Variants in DCC observed in about 807,000 individuals in gnomAD.
DCC encodes the protein DCC netrin 1 receptor.
In DCC, 58 loss-of-function variants were observed where a neutral mutation model predicts 172.5. The observed-to-expected ratio is 0.34, with a 90% CI of 0.27 to 0.42. DCC has a LOEUF of 0.42. Ranked by LOEUF, DCC falls within the 10% of genes least tolerant of loss-of-function variation. DCC has a pLI of 1.00. For synonymous variants in DCC, 709 were observed against 644.5 expected (o/e 1.10, Z -1.52); for missense variants, 1,740 against 1,791.0 (o/e 0.97, Z 0.51).
At chr18:53,345,191 T>C (rs1240315999) in intron 15 of DCC, among the ~76,000 whole-genome samples, 1 of 151,862 alleles carries the variant, frequency 6.6e-6, no homozygotes, top group Non-Finnish European at 1.5e-5. Context: ...TTTTAGCAAC[T>C]ATTTAAATAT....
At position 53,377,352 on chromosome 18, in the gene DCC, TGAGAGA is replaced by T. The variant is rs59629030; in HGVS notation, c.2360-8659_2360-8654del. Among the ~76,000 whole-genome samples the T allele has an allele frequency of 3.9e-3, 540 of 137,362 alleles. 9 individuals carry two copies. Among genetic ancestry groups the T allele is most frequent in the South Asian group, 0.035 (132 of 3,806 alleles). The allele number at this position is 137,362 out of a possible 152,430, so 90.1% of individuals were successfully genotyped here. ...GCAGAAGGACAAGAAAAGATGCATT[TGAGAGA>T]GAGAGAGAGAGAGAGAGAGAGAGAG... On this transcript the variant is annotated intron_variant, in intron 15 of 28. Coordinates refer to ENST00000442544, the MANE Select transcript of DCC (RefSeq NM_005215.4).
chr18:53,125,054 T>C (rs1241476428), intron 7 of DCC, among the ~76,000 whole-genome samples: 3 of 152,050 alleles, frequency 2.0e-5, no homozygotes, highest in African/African-American at 7.2e-5. Context: ...TTAACTACTT[T>C]TAATATATCT....
At chr18:52,572,674 TC>T (rs1323683791) in intron 1 of DCC, among the ~76,000 whole-genome samples, 1 of 152,116 alleles carries the variant, frequency 6.6e-6, no homozygotes, top group African/African-American at 2.4e-5. Flanking sequence ...CACCTCCCAT[TC>T]TTGACGTGGG....
chr18:53,138,198 A>G (rs1399200118), intron 7 of DCC, among the ~76,000 whole-genome samples: 1 of 152,024 alleles, frequency 6.6e-6, no homozygotes, highest in African/African-American at 2.4e-5. Flanking sequence ...GACCCTACCT[A>G]TTGTGTCGTC....
At chr18:52,431,641 T>C (rs1194597701) in intron 1 of DCC, among the ~76,000 whole-genome samples, 1 of 152,190 alleles carries the variant, frequency 6.6e-6, no homozygotes, top group Non-Finnish European at 1.5e-5. Context: ...CAATGCCAGA[T>C]GAAATGCTCA....
intron 5 of DCC, among the ~76,000 whole-genome samples, chr18:53,005,754 TTTAC>T (rs2041634989): frequency 6.6e-6 from 1 of 152,166 alleles, no homozygotes; most frequent in Non-Finnish European, 1.5e-5. Flanking sequence ...AGAAAGAATC[TTTAC>T]TTAATGTGTG....
chr18:52,740,851 A>G (rs2036811063), intron 1 of DCC, among the ~76,000 whole-genome samples: 1 of 152,140 alleles, frequency 6.6e-6, no homozygotes. Context: ...ATTATAGCAA[A>G]TCTCTTAGTA....
chr18:52,752,867 C>G (rs2037018942), intron 2 of DCC, among the ~76,000 whole-genome samples: 2 of 151,988 alleles, frequency 1.3e-5, no homozygotes, highest in African/African-American at 2.4e-5. Flanking sequence ...TCTTTCAGTG[C>G]CTGGCATGTT....
intron 21 of DCC, among the ~76,000 whole-genome samples, chr18:53,420,501 G>T (rs959764411): frequency 6.6e-6 from 1 of 152,120 alleles, no homozygotes; most frequent in Admixed American, 6.5e-5. Flanking sequence ...ACAACAGAAA[G>T]TTATATTCTC....
At chr18:52,946,451 T>C (rs1014632418) in intron 5 of DCC, among the ~76,000 whole-genome samples, 2 of 152,014 alleles carry the variant, frequency 1.3e-5, no homozygotes, top group African/African-American at 4.8e-5. Flanking sequence ...ACCTAAAACT[T>C]AGCAACTTAA....
At chr18:52,797,390 G>A (rs933670392) in intron 2 of DCC, among the ~76,000 whole-genome samples, 1 of 152,118 alleles carries the variant, frequency 6.6e-6, no homozygotes, top group Non-Finnish European at 1.5e-5. Flanking sequence ...CCAATTTTAT[G>A]GATAGGCCTT....
intron 1 of DCC, among the ~76,000 whole-genome samples, chr18:52,421,939 AC>A (rs754348647): frequency 6.6e-6 from 1 of 152,028 alleles, no homozygotes; most frequent in Non-Finnish European, 1.5e-5. Flanking sequence ...ACCCCATGAG[AC>A]CCTATCATTT....
intron 12 of DCC, among the ~76,000 whole-genome samples, chr18:53,238,172 C>G (rs1200085558): frequency 6.6e-6 from 1 of 152,122 alleles, no homozygotes; most frequent in African/African-American, 2.4e-5. Context: ...TTATGACACA[C>G]AGAAATGCAT....
intron 26 of DCC, among the ~76,000 whole-genome samples, chr18:53,495,934 G>GA (rs1025331855): frequency 5.3e-5 from 8 of 151,778 alleles, no homozygotes; most frequent in South Asian, 4.2e-4. Context: ...GGGCATCTCT[G>GA]AAAAAAAAGC....
At chr18:53,055,684 C>T (rs1341835088) in intron 5 of DCC, among the ~76,000 whole-genome samples, 1 of 152,056 alleles carries the variant, frequency 6.6e-6, no homozygotes, top group Non-Finnish European at 1.5e-5. Context: ...CAAATCTCAA[C>T]AACCAATCCT....
intron 2 of DCC, among the ~76,000 whole-genome samples, chr18:52,779,666 T>A (rs565277067): frequency 1.3e-5 from 2 of 152,280 alleles, no homozygotes; most frequent in Non-Finnish European, 2.9e-5. Flanking sequence ...TGGGTATATA[T>A]CCAGTAATGG....
At chr18:53,408,971 A>C (rs1909831283) in intron 19 of DCC, among the ~76,000 whole-genome samples, 1 of 152,160 alleles carries the variant, frequency 6.6e-6, no homozygotes, top group Non-Finnish European at 1.5e-5. Context: ...GCACTATGGG[A>C]TTAAGTGATG....
In DCC at chr18:52,393,940, C is replaced by T. The variant is rs1041242704; in HGVS notation, c.91+53062C>T. ...GCAATTTTGTGTTGTTTCCTAAATG[C>T]GTATTTTAATTCTCAATTCATAGCA... is the stretch of plus-strand genomic sequence containing the variant. On this transcript the variant is annotated intron_variant, in intron 1 of 28. Coordinates refer to ENST00000442544, the MANE Select transcript of DCC (RefSeq NM_005215.4). Among the ~76,000 whole-genome samples, 6 of 152,098 alleles carry T rather than the reference C, an allele frequency of 3.9e-5. No homozygotes were observed. The East Asian group carries it at 5.8e-4, about 15-fold the overall frequency.
intron 2 of DCC, among the ~76,000 whole-genome samples, chr18:52,762,100 G>A (rs1288688488): frequency 1.3e-5 from 2 of 152,230 alleles, no homozygotes; most frequent in East Asian, 3.9e-4. Flanking sequence ...GGGCAGTTAA[G>A]CCTCAAAGTT....
Sources: gnomAD v4.1 joint callset for allele counts (sites outside exome capture counted in the v4.1 genomes callset) on GRCh38, gnomAD v4.1.1 for gene constraint, MANE v1.5 for transcripts, NCBI Gene and HGNC (gene_info 2026-07-23, HGNC 2026-07-21) for gene names.